MELK: variants seen among roughly 807,000 people sequenced by gnomAD.
The protein encoded by MELK is maternal embryonic leucine zipper kinase, also known as pEg3 kinase.
A neutral mutation model predicts 85.0 loss-of-function variants in MELK; 81 were observed. The ratio of observed to expected loss-of-function variants is 0.95; its 90% CI spans 0.80 to 1.15. MELK has a LOEUF of 1.15. Ranked by LOEUF, MELK falls within the 50% of genes most tolerant of loss-of-function variation. The pLI is 0.00. For synonymous variants in MELK, 252 were observed against 265.0 expected, an observed-to-expected ratio of 0.95 and a Z score of 0.48; for missense variants, 754 against 777.5, an observed-to-expected ratio of 0.97 and a Z score of 0.36.
intron 4 of MELK, among the ~76,000 whole-genome samples, chr9:36,591,160 T>C (rs919822683): frequency 2.0e-5 from 3 of 152,158 alleles, no homozygotes; most frequent in Non-Finnish European, 2.9e-5. Context: ...TAGTAGTACA[T>C]TGTATTACTA....
rs1468399823 is a variant in MELK, at chr9:36,589,517, A to G, written c.145-19A>G. On this transcript the variant is annotated intron_variant, in intron 3 of 17. Transcript: ENST00000298048. ...CCTGAATAAGTTTATTGCTCATTCCATATGATGTTTTGTCACAGAGTGATT... is the reference window on the plus strand; with the variant it reads ...CCTGAATAAGTTTATTGCTCATTCCGTATGATGTTTTGTCACAGAGTGATT... The G allele has an allele frequency of 1.9e-6, 3 of 1,574,910 alleles. No individual in the cohort carries two copies. The highest frequency in any genetic ancestry group is 2.2e-5 in the South Asian group (2 of 90,286).
At chr9:36,656,118 G>A (rs1251768436) in intron 12 of MELK, among the ~76,000 whole-genome samples, 1 of 152,080 alleles carries the variant, frequency 6.6e-6, no homozygotes, top group Non-Finnish European at 1.5e-5. Context: ...AAGAACAGAA[G>A]TTATTTTGGT....
At chr9:36,585,857 G>C (rs1822835813) in intron 3 of MELK, among the ~76,000 whole-genome samples, 1 of 152,064 alleles carries the variant, frequency 6.6e-6, no homozygotes. Context: ...AGGGTCCCTT[G>C]AGCCTAGGAG....
At chr9:36,593,964 G>A (rs1208429998) in intron 4 of MELK, among the ~76,000 whole-genome samples, 1 of 152,168 alleles carries the variant, frequency 6.6e-6, no homozygotes, top group Non-Finnish European at 1.5e-5. Context: ...GAGCCACGGC[G>A]CCTGGCCAAA....
At chr9:36,626,744 G>T (rs1827963915) in intron 8 of MELK, among the ~76,000 whole-genome samples, 3 of 152,078 alleles carry the variant, frequency 2.0e-5, no homozygotes, top group African/African-American at 7.2e-5. Context: ...GATCACCTGA[G>T]GTCAGTAGTT....
At chr9:36,626,381 A>G (rs1827931117) in intron 8 of MELK, among the ~76,000 whole-genome samples, 1 of 151,168 alleles carries the variant, frequency 6.6e-6, no homozygotes. Context: ...TAATCACCCT[A>G]GCACCTAGAC....
chr9:36,604,970 C>T (rs1825340060), intron 7 of MELK, among the ~76,000 whole-genome samples: 1 of 150,662 alleles, frequency 6.6e-6, no homozygotes. Context: ...TTTTTTGAGA[C>T]GAAGTCTTGC....
Position 36,581,740 on chromosome 9 carries a change from G to A in MELK, c.58+1G>A, listed in dbSNP as rs1304609914. ...GAATTACATGAAACTATTGGGACAG[G>A]TAATTGTTATTTTTTTTTGGAGGCA... On this transcript the variant is annotated splice_donor_variant, in intron 2 of 17. Transcript: ENST00000298048. LOFTEE classifies it high-confidence loss of function. 4.4e-6 allele frequency: 7 copies of A among 1,588,524 alleles called. No individual in the cohort carries two copies. Among genetic ancestry groups the A allele is most frequent in the Non-Finnish European group, 6.0e-6 (7 of 1,158,476 alleles).
intron 13 of MELK, among the ~76,000 whole-genome samples, chr9:36,663,520 A>T (rs1244030069): frequency 6.6e-6 from 1 of 152,132 alleles, no homozygotes; most frequent in Non-Finnish European, 1.5e-5. Context: ...CTCATCACCA[A>T]CCCCCTTCCA....
chr9:36,592,858 T>TA (rs113565293), intron 4 of MELK, among the ~76,000 whole-genome samples: 4,443 of 152,248 alleles, frequency 0.029, 219 homozygotes, highest in African/African-American at 0.1. Flanking sequence ...GACAAATGTA[T>TA]ATACCCATGT....
At position 36,665,568 on chromosome 9, in the gene MELK, T is replaced by C. The variant is rs768370812; in HGVS notation, c.1395T>C (p.Thr465=). The C allele has an allele frequency of 6.2e-7, 1 of 1,610,294 alleles. No homozygotes were observed. Among genetic ancestry groups the C allele is most frequent in the East Asian group, 2.2e-5 (1 of 44,788 alleles). Residue 465 remains threonine, a synonymous_variant, in exon 14 of 18, where the codon ACT becomes ACC. Transcript: ENST00000298048. ...TACTCACTACGCCAAATCGTTACAC[T>C]ACACCCTCAAAAGGTATTTGCTAAG... ...REILTTPNRY[T]TPSKARNQCL... is the part of the protein sequence containing the mutation.
In MELK at chr9:36,573,750, G is replaced by T. The variant is rs369104154; in HGVS notation, c.-39+743G>T. ...TCCAGCTCGTGTCCTCAGGTGATCC[G>T]CCCGCCTTGGCCTCCCAGAGTGCTG... On this transcript the variant is annotated intron_variant, in intron 1 of 17. Transcript: ENST00000298048. Among the ~76,000 whole-genome samples, 4 of 151,910 alleles carry T rather than the reference G, an allele frequency of 2.6e-5. No homozygotes were observed. In the East Asian group the frequency reaches 5.8e-4, roughly 22 times the overall value.
At chr9:36,623,526 A>C (rs1392156639) in intron 8 of MELK, among the ~76,000 whole-genome samples, 1 of 152,212 alleles carries the variant, frequency 6.6e-6, no homozygotes, top group Non-Finnish European at 1.5e-5. Flanking sequence ...GATACTCTAC[A>C]GAGGTGTTCT....
At chr9:36,601,133 C>T (rs1824878143) in intron 7 of MELK, among the ~76,000 whole-genome samples, 1 of 152,094 alleles carries the variant, frequency 6.6e-6, no homozygotes, top group South Asian at 2.1e-4. Context: ...TTTATAACCA[C>T]ACTTTAGTAT....
chr9:36,630,180 A>G lies in MELK; in HGVS notation c.667-119A>G, dbSNP rs1828390695. ...TTTTTTTTAGTTAATAATGTTTACC[A>G]AGTATTGTAGTTGGGTGAAGTCTTC... On this transcript the variant is annotated intron_variant, in intron 8 of 17. Transcript: ENST00000298048. 4.0e-6 allele frequency: 3 copies of G among 758,562 alleles called. No homozygotes were observed. The African/African-American group carries it at 5.3e-5, about 13-fold the overall frequency. The allele number at this position is 758,562 out of a possible 1,614,324, so 47.0% of individuals were successfully genotyped here.
intron 12 of MELK, among the ~76,000 whole-genome samples, chr9:36,653,622 A>G (rs897874301): frequency 3.9e-5 from 6 of 152,182 alleles, no homozygotes; most frequent in African/African-American, 1.4e-4. Flanking sequence ...ATCTTCCCTC[A>G]GATTAATTCA....
intron 16 of MELK, among the ~76,000 whole-genome samples, chr9:36,674,073 T>C (rs1451621373): frequency 6.6e-6 from 1 of 152,162 alleles, no homozygotes; most frequent in African/African-American, 2.4e-5. Context: ...ATTTTGTTAT[T>C]TATACAATGA....
At chr9:36,634,604 G>A (rs1828938734) in intron 10 of MELK, among the ~76,000 whole-genome samples, 1 of 152,108 alleles carries the variant, frequency 6.6e-6, no homozygotes, top group East Asian at 1.9e-4. Context: ...GTTCTCAGGA[G>A]GCTGAGGCAG....
At chr9:36,629,852 T>G (rs1325870422) in intron 8 of MELK, among the ~76,000 whole-genome samples, 5 of 148,876 alleles carry the variant, frequency 3.4e-5, no homozygotes, top group East Asian at 1.9e-4. Context: ...TGTTTTTTTT[T>G]TTTTTTTTTT....
Sources: allele counts gnomAD v4.1 joint callset (sites outside exome capture counted in the v4.1 genomes callset), GRCh38; gene constraint gnomAD v4.1.1; transcripts MANE v1.5; gene names NCBI Gene and HGNC (gene_info 2026-07-23, HGNC 2026-07-21).